C12orf54: variants seen among roughly 807,000 people sequenced by gnomAD.
The protein encoded by C12orf54 is uncharacterized protein C12orf54.
Under a neutral mutation model 26.4 loss-of-function variants are expected in C12orf54, and 24 were observed. The observed-to-expected ratio is 0.91, with a 90% CI of 0.66 to 1.28. The LOEUF is 1.28. Ranked by LOEUF, C12orf54 falls within the 50% of genes most tolerant of loss-of-function variation. C12orf54 has a pLI of 0.00. For missense variants in C12orf54, 154 were observed against 150.9 expected, an observed-to-expected ratio of 1.02 and a Z score of -0.11; for synonymous variants, 54 against 47.0, an observed-to-expected ratio of 1.15 and a Z score of -0.61.
chr12:48,428,821 G>A, the C12orf54 span, among the ~76,000 whole-genome samples: 1 of 151,842 alleles, frequency 6.6e-6, no homozygotes, highest in Admixed American at 6.6e-5. Context: ...ATTCTATGAA[G>A]CCAGCATCAC....
chr12:48,414,140 T>G, the C12orf54 span, among the ~76,000 whole-genome samples: 1 of 152,242 alleles, frequency 6.6e-6, no homozygotes, highest in Admixed American at 6.5e-5. Flanking sequence ...TGACCTACTT[T>G]TGTGAATTTG....
chr12:48,433,534 G>A, the C12orf54 span, among the ~76,000 whole-genome samples: 16,492 of 150,350 alleles, frequency 0.11, 946 homozygotes, highest in Middle Eastern at 0.13. Flanking sequence ...TGCAAGCTCC[G>A]CCACCCAGGT....
the C12orf54 span, among the ~76,000 whole-genome samples, chr12:48,416,967 C>A: frequency 6.6e-6 from 1 of 152,036 alleles, no homozygotes; most frequent in East Asian, 1.9e-4. Flanking sequence ...TATGATCTCC[C>A]CTCAGTCTCA....
At chr12:48,441,148 G>A in the C12orf54 span, among the ~76,000 whole-genome samples, 1 of 152,334 alleles carries the variant, frequency 6.6e-6, no homozygotes, top group African/African-American at 2.4e-5. Flanking sequence ...TTAACACAGT[G>A]CCTGATAGGA....
chr12:48,484,442 A>G (rs1386161548), intron 2 of C12orf54, among the ~76,000 whole-genome samples: 2 of 152,230 alleles, frequency 1.3e-5, no homozygotes, highest in African/African-American at 4.8e-5. Context: ...GAGAAAGCAC[A>G]TAAACCACAC....
the C12orf54 span, among the ~76,000 whole-genome samples, chr12:48,453,311 G>A: frequency 2.0e-5 from 3 of 151,918 alleles, no homozygotes; most frequent in Non-Finnish European, 2.9e-5. Flanking sequence ...TACACAGTGG[G>A]CAACAGCACA....
At chr12:48,475,205 A>G in the C12orf54 span, among the ~76,000 whole-genome samples, 1 of 152,334 alleles carries the variant, frequency 6.6e-6, no homozygotes, top group African/African-American at 2.4e-5. Flanking sequence ...TAGAAGGAAA[A>G]CTAACAAAGA....
At chr12:48,416,894 C>T in the C12orf54 span, among the ~76,000 whole-genome samples, 314 of 151,974 alleles carry the variant, frequency 2.1e-3, 1 homozygote, top group Middle Eastern at 0.017. Context: ...TTAGGCTCTA[C>T]CCTCATGAAT....
At chr12:48,447,567 G>A in the C12orf54 span, among the ~76,000 whole-genome samples, 1 of 152,092 alleles carries the variant, frequency 6.6e-6, no homozygotes, top group Non-Finnish European at 1.5e-5. Flanking sequence ...TTATAGAACT[G>A]AAGTCTTTTT....
chr12:48,469,876 A>C, the C12orf54 span, among the ~76,000 whole-genome samples: 2 of 152,124 alleles, frequency 1.3e-5, no homozygotes, highest in South Asian at 2.1e-4. Context: ...TGTCCCCAAC[A>C]TCTGTCATTC....
chr12:48,477,942 C>T (rs887239870), upstream of C12orf54, among the ~76,000 whole-genome samples: 3 of 151,922 alleles, frequency 2.0e-5, no homozygotes, highest in African/African-American at 2.4e-5. Context: ...GAGACACAAC[C>T]GAAAAAGAGA....
chr12:48,431,007 TGAGACTG>T, the C12orf54 span, among the ~76,000 whole-genome samples: 1 of 152,186 alleles, frequency 6.6e-6, no homozygotes, highest in African/African-American at 2.4e-5. Flanking sequence ...GCAACCTGGG[TGAGACTG>T]GAGACTATTA....
the C12orf54 span, among the ~76,000 whole-genome samples, chr12:48,465,208 C>T: frequency 6.6e-6 from 1 of 151,966 alleles, no homozygotes; most frequent in African/African-American, 2.4e-5. Context: ...GGAACTTAAA[C>T]AAATTTACAA....
At chr12:48,459,204 A>G in the C12orf54 span, among the ~76,000 whole-genome samples, 1 of 152,166 alleles carries the variant, frequency 6.6e-6, no homozygotes. Flanking sequence ...TCGCAGTGGT[A>G]GAAGACTCAA....
chr12:48,476,037 C>A, the C12orf54 span, among the ~76,000 whole-genome samples: 14 of 152,010 alleles, frequency 9.2e-5, no homozygotes, highest in Non-Finnish European at 1.9e-4. Context: ...ATCAGACTAA[C>A]AGCTGATCTC....
the C12orf54 span, among the ~76,000 whole-genome samples, chr12:48,448,995 G>T: frequency 6.6e-6 from 1 of 152,160 alleles, no homozygotes; most frequent in Non-Finnish European, 1.5e-5. Flanking sequence ...GGCAGCTATG[G>T]GCTGTAGCTT....
the C12orf54 span, among the ~76,000 whole-genome samples, chr12:48,444,342 C>T: frequency 6.6e-6 from 1 of 152,194 alleles, no homozygotes; most frequent in African/African-American, 2.4e-5. Context: ...AATGCAGACA[C>T]AGAACCGCAT....
intron 4 of C12orf54, among the ~76,000 whole-genome samples, chr12:48,488,672 G>A (rs1254966020): frequency 1.3e-5 from 2 of 152,146 alleles, no homozygotes; most frequent in Non-Finnish European, 1.5e-5. Flanking sequence ...TCAATGCACA[G>A]CCCAGTCTTC....
the C12orf54 span, among the ~76,000 whole-genome samples, chr12:48,466,544 T>TA: frequency 3.0e-4 from 44 of 147,450 alleles, no homozygotes; most frequent in African/African-American, 7.2e-4. Flanking sequence ...AACTTTGCCT[T>TA]AAAAAAAAAA....
Sources: gnomAD v4.1 joint callset for allele counts (sites outside exome capture counted in the v4.1 genomes callset) on GRCh38, gnomAD v4.1.1 for gene constraint, MANE v1.5 for transcripts, NCBI Gene and HGNC (gene_info 2026-07-23, HGNC 2026-07-21) for gene names.